Variants in AMMECR1 observed in about 807,000 individuals in gnomAD.
AMMECR1 encodes nuclear protein AMMECR1.
Under a neutral mutation model 22.5 loss-of-function variants are expected in AMMECR1, and 3 were observed. That is an observed-to-expected ratio of 0.13 (90% confidence interval 0.06 to 0.35). The LOEUF is 0.35. AMMECR1 is among the 10% of genes least tolerant of loss of function. The pLI is 1.00. For synonymous variants in AMMECR1, 130 were observed against 116.7 expected (o/e 1.11, Z -0.74); for missense variants, 235 against 278.7 (o/e 0.84, Z 1.12).
At chrX:110,367,951 G>A (rs1029657840) in intron 2 of AMMECR1, among the ~76,000 whole-genome samples, 5 of 105,444 alleles carry the variant, frequency 4.7e-5, no homozygotes. Flanking sequence ...TGGAACTACA[G>A]GTACTCACCA....
At chrX:110,213,922 C>T (rs1319017407) in intron 3 of AMMECR1, among the ~76,000 whole-genome samples, 1 of 110,227 alleles carries the variant, frequency 9.1e-6, no homozygotes, top group Non-Finnish European at 1.9e-5. Flanking sequence ...CATAGCCATT[C>T]TAACAGTAAC....
intron 1 of AMMECR1, among the ~76,000 whole-genome samples, chrX:110,429,474 G>T (rs137890019): frequency 0.056 from 3,683 of 65,327 alleles, 70 homozygotes; most frequent in African/African-American, 0.19. Context: ...TTTTTTTTTT[G>T]TTTTGTTTTT....
intron 2 of AMMECR1, among the ~76,000 whole-genome samples, chrX:110,251,357 G>A (rs1392089854): frequency 3.6e-5 from 4 of 111,956 alleles, no homozygotes. Flanking sequence ...TGAAGGATAA[G>A]TAGGAGTTGA....
chrX:110,428,775 G>T (rs770457276), intron 1 of AMMECR1, among the ~76,000 whole-genome samples: 21 of 111,835 alleles, frequency 1.9e-4, no homozygotes, highest in Non-Finnish European at 3.6e-4. Context: ...ATTCCCCTAT[G>T]GAATACCAGC....
intron 2 of AMMECR1, among the ~76,000 whole-genome samples, chrX:110,230,243 C>T (rs758600858): frequency 8.0e-4 from 90 of 112,583 alleles, no homozygotes; most frequent in Non-Finnish European, 1.6e-3. Flanking sequence ...CTGGGAGACA[C>T]CTCCCAGTAG....
At chrX:110,411,828 C>T (rs750484599) in intron 2 of AMMECR1, among the ~76,000 whole-genome samples, 1 of 112,677 alleles carries the variant, frequency 8.9e-6, no homozygotes, top group East Asian at 2.8e-4. Flanking sequence ...ATTTCCTCTG[C>T]TTACATGTTA....
intron 1 of AMMECR1, among the ~76,000 whole-genome samples, chrX:110,298,208 ATTTC>A (rs996840949): frequency 9.0e-6 from 1 of 111,621 alleles, no homozygotes; most frequent in African/African-American, 3.2e-5. Context: ...GTCTCAGTGT[ATTTC>A]TTTGATCAAA....
At chrX:110,372,386 G>A (rs2068345361) in intron 2 of AMMECR1, among the ~76,000 whole-genome samples, 1 of 112,366 alleles carries the variant, frequency 8.9e-6, no homozygotes, top group African/African-American at 3.2e-5. Flanking sequence ...ATCCGTGCTG[G>A]AAGTAACAGT....
At chrX:110,249,244 G>A (rs1469607706) in intron 2 of AMMECR1, among the ~76,000 whole-genome samples, 1 of 108,949 alleles carries the variant, frequency 9.2e-6, no homozygotes, top group Admixed American at 9.7e-5. Context: ...TTTTTTTTCT[G>A]TAAGTGGACA....
chrX:110,367,487 C>A (rs1016298012), intron 2 of AMMECR1, among the ~76,000 whole-genome samples: 2 of 111,301 alleles, frequency 1.8e-5, no homozygotes, highest in Admixed American at 1.9e-4. Context: ...CAGTTTATCA[C>A]TCTCTCCTTG....
chrX:110,351,393 A>G (rs2068210719), intron 2 of AMMECR1, among the ~76,000 whole-genome samples: 2 of 112,465 alleles, frequency 1.8e-5, no homozygotes, highest in Non-Finnish European at 3.8e-5. Flanking sequence ...AAGGATAGAC[A>G]TATAGATCAG....
chrX:110,435,382 G>T (rs2068831168), intron 1 of AMMECR1, among the ~76,000 whole-genome samples: 1 of 112,298 alleles, frequency 8.9e-6, no homozygotes, highest in African/African-American at 3.2e-5. Context: ...CAGTGCCACT[G>T]ACTGCGTCTC....
chrX:110,260,472 C>G (rs185068892), intron 2 of AMMECR1, among the ~76,000 whole-genome samples: 1 of 108,235 alleles, frequency 9.2e-6, no homozygotes, highest in African/African-American at 3.4e-5. Flanking sequence ...TAAAAAATAC[C>G]CGGTCATATT....
intron 2 of AMMECR1, among the ~76,000 whole-genome samples, chrX:110,256,504 A>G (rs184740603): frequency 6.5e-4 from 73 of 111,716 alleles, no homozygotes; most frequent in Middle Eastern, 4.6e-3. Flanking sequence ...AGATCAGATA[A>G]TGTAGTTCTT....
intron 2 of AMMECR1, among the ~76,000 whole-genome samples, chrX:110,222,210 T>C (rs1234602971): frequency 3.6e-5 from 3 of 82,980 alleles, no homozygotes; most frequent in Admixed American, 1.4e-4. Context: ...TGTCCAACAA[T>C]GATAGACTGG....
intron 2 of AMMECR1, among the ~76,000 whole-genome samples, chrX:110,384,066 A>G (rs2148278018): frequency 8.9e-6 from 1 of 112,187 alleles, no homozygotes; most frequent in East Asian, 2.8e-4. Context: ...CTATTGTTTT[A>G]TTGTTATCGT....
Position 110,318,082 on chromosome X carries a change from T to C in AMMECR1, c.-11A>G, listed in dbSNP as rs780524027. 6 of 1,179,074 alleles carry C rather than the reference T, an allele frequency of 5.1e-6. No homozygotes were observed. The African/African-American group carries it at 1.1e-4, about 21-fold the overall frequency. On this transcript the variant is annotated 5_prime_UTR_variant, in exon 1 of 6. Coordinates refer to ENST00000262844, the MANE Select transcript of AMMECR1 (RefSeq NM_015365.3). ...GCAACCCGCCGCCATCTTGGAACAG[T>C]CTCCCCCACGCAGCGTTTCCGACCC...
At chrX:110,308,482 G>A (rs1044616596) in intron 1 of AMMECR1, among the ~76,000 whole-genome samples, 1 of 111,802 alleles carries the variant, frequency 8.9e-6, no homozygotes, top group African/African-American at 3.3e-5. Context: ...AGTTGGAGGA[G>A]TTTGTGGAGT....
chrX:110,312,025 G>C (rs1400668370), intron 1 of AMMECR1, among the ~76,000 whole-genome samples: 1 of 112,275 alleles, frequency 8.9e-6, no homozygotes, highest in Non-Finnish European at 1.9e-5. Context: ...TTGAAAAAGA[G>C]ACTATTTAAC....
Sources: gnomAD v4.1 joint callset for allele counts (sites outside exome capture counted in the v4.1 genomes callset) on GRCh38, gnomAD v4.1.1 for gene constraint, MANE v1.5 for transcripts, NCBI Gene and HGNC (gene_info 2026-07-23, HGNC 2026-07-21) for gene names.